MDFIC2: variants seen among roughly 807,000 people sequenced by gnomAD.
MDFIC2 encodes MyoD family inhibitor domain containing 2.
chr3:70,250,282 ACT>A (rs369101712), intron 2 of MDFIC2, among the ~76,000 whole-genome samples: 2 of 151,780 alleles, frequency 1.3e-5, no homozygotes, highest in South Asian at 2.1e-4. Flanking sequence ...GATTAATTCT[ACT>A]CTCTTAGGAT....
intron 2 of MDFIC2, among the ~76,000 whole-genome samples, chr3:70,253,072 C>T (rs1274606430): frequency 2.0e-5 from 3 of 151,040 alleles, no homozygotes; most frequent in African/African-American, 4.9e-5. Flanking sequence ...AAGAGTGAGA[C>T]TTTGCTCAAA....
At chr3:70,278,182 G>A (rs1449916547) in intron 2 of MDFIC2, among the ~76,000 whole-genome samples, 1 of 152,060 alleles carries the variant, frequency 6.6e-6, no homozygotes, top group African/African-American at 2.4e-5. Flanking sequence ...GGCTCATAGT[G>A]TATATTCTTT....
chr3:70,195,212 C>A lies in MDFIC2; in HGVS notation c.*1714G>T, dbSNP rs539436985. 3.4e-4 allele frequency among the ~76,000 whole-genome samples: 52 copies of A among 152,080 alleles called. No individual in the cohort carries two copies. The highest frequency in any genetic ancestry group is 5.6e-4 in the Non-Finnish European group (38 of 68,016). The stretch of plus-strand genomic sequence containing the variant: ...TATGTTCCCTTCCTGTTCTAGGAAT[C>A]TATTTTTTTTTCTTCTAATGATCTA... On this transcript the variant is annotated 3_prime_UTR_variant, in exon 4 of 4. Coordinates refer to ENST00000567252, the MANE Select transcript of MDFIC2 (RefSeq NM_001364677.1).
At chr3:70,230,706 T>A (rs1190096855) in intron 2 of MDFIC2, among the ~76,000 whole-genome samples, 1 of 152,226 alleles carries the variant, frequency 6.6e-6, no homozygotes, top group Non-Finnish European at 1.5e-5. Flanking sequence ...TGGATTCCTC[T>A]GTAAGTGGTG....
At chr3:70,293,071 A>T (rs898829117) in intron 2 of MDFIC2, among the ~76,000 whole-genome samples, 1 of 145,974 alleles carries the variant, frequency 6.9e-6, no homozygotes, top group Middle Eastern at 3.3e-3. Flanking sequence ...AAAAAAAAAA[A>T]GTAGCATATT....
At chr3:70,249,295 C>T (rs562058416) in intron 2 of MDFIC2, 1 of 152,196 alleles carries the variant, frequency 6.6e-6, no homozygotes, top group South Asian at 2.1e-4. Context: ...TATGTAGTGC[C>T]TTCTTTCTGA....
intron 2 of MDFIC2, among the ~76,000 whole-genome samples, chr3:70,282,186 C>A (rs181666171): frequency 1.3e-5 from 2 of 152,136 alleles, no homozygotes; most frequent in African/African-American, 4.8e-5. Flanking sequence ...ATGCAGTAAT[C>A]AAAAAACCCT....
chr3:70,244,449 C>A (rs185984468), intron 2 of MDFIC2, among the ~76,000 whole-genome samples: 1 of 152,054 alleles, frequency 6.6e-6, no homozygotes, highest in Non-Finnish European at 1.5e-5. Context: ...TGTAAAGGAA[C>A]GGAGTAATCA....
intron 2 of MDFIC2, chr3:70,283,719 T>A (rs913205184): frequency 2.0e-5 from 3 of 151,412 alleles, no homozygotes; most frequent in Non-Finnish European, 4.4e-5. Context: ...CAAGTTAGAA[T>A]CTTGATTTCA....
At chr3:70,297,401 C>T (rs540903386) in intron 2 of MDFIC2, among the ~76,000 whole-genome samples, 2 of 152,068 alleles carry the variant, frequency 1.3e-5, no homozygotes, top group Admixed American at 1.3e-4. Context: ...GATATTTGAG[C>T]CACTCAAAGG....
In MDFIC2 at chr3:70,233,979, T is replaced by C. The variant is rs146707482; in HGVS notation, c.89-27189A>G. Among the ~76,000 whole-genome samples, 4 of 152,346 alleles carry C rather than the reference T, an allele frequency of 2.6e-5. No individual in the cohort carries two copies. In the East Asian group the frequency reaches 5.8e-4, roughly 22 times the overall value. ...GTGCAAGTTTTTGTGTGGATATTTC[T>C]CTTGGCTAAAACTCTAGGAGTAAAA... On this transcript the variant is annotated intron_variant, in intron 2 of 3. Coordinates refer to ENST00000567252, the MANE Select transcript of MDFIC2 (RefSeq NM_001364677.1).
At chr3:70,238,385 G>T (rs1471923070) in intron 2 of MDFIC2, among the ~76,000 whole-genome samples, 2 of 152,126 alleles carry the variant, frequency 1.3e-5, no homozygotes, top group African/African-American at 4.8e-5. Context: ...GAGGCAAGAG[G>T]ATCATTTGAG....
At chr3:70,222,877 G>T (rs959712790) in intron 2 of MDFIC2, among the ~76,000 whole-genome samples, 2 of 152,258 alleles carry the variant, frequency 1.3e-5, no homozygotes. Flanking sequence ...CTATTGTCAA[G>T]GTCAATCTGA....
chr3:70,306,098 A>G (rs1486160799), intron 2 of MDFIC2, among the ~76,000 whole-genome samples: 1 of 152,086 alleles, frequency 6.6e-6, no homozygotes, highest in Non-Finnish European at 1.5e-5. Flanking sequence ...TAAATAATGG[A>G]GTTTATTTAT....
At chr3:70,201,639 A>G (rs1230099660) in intron 3 of MDFIC2, among the ~76,000 whole-genome samples, 1 of 152,136 alleles carries the variant, frequency 6.6e-6, no homozygotes, top group African/African-American at 2.4e-5. Flanking sequence ...GCAGCACTGT[A>G]ATTTGAACCA....
In MDFIC2 at chr3:70,290,124, A is replaced by T. The variant is rs1392894009; in HGVS notation, c.88+21762T>A. On this transcript the variant is annotated intron_variant, in intron 2 of 3. Transcript: ENST00000567252. ...GTGAGGAGCTGCGTTCCTTTGTAGG[A>T]GGAGAGGCGCTCTGCTTTTTAGAGT... 2.6e-5 allele frequency among the ~76,000 whole-genome samples: 4 copies of T among 152,094 alleles called. No individual in the cohort carries two copies. In the East Asian group the frequency reaches 5.8e-4, roughly 22 times the overall value.
At chr3:70,280,442 C>T (rs1043896756) in intron 2 of MDFIC2, among the ~76,000 whole-genome samples, 2 of 152,154 alleles carry the variant, frequency 1.3e-5, no homozygotes, top group Non-Finnish European at 2.9e-5. Context: ...CCTTACCACC[C>T]TAGGCATGTA....
chr3:70,287,819 C>T (rs1283124098), intron 2 of MDFIC2, among the ~76,000 whole-genome samples: 3 of 151,092 alleles, frequency 2.0e-5, no homozygotes, highest in African/African-American at 7.3e-5. Context: ...TTATCCATTT[C>T]TTCTAGATTT....
At chr3:70,227,458 T>C (rs1314883406) in intron 2 of MDFIC2, among the ~76,000 whole-genome samples, 1 of 152,198 alleles carries the variant, frequency 6.6e-6, no homozygotes, top group African/African-American at 2.4e-5. Flanking sequence ...AACAGACCAC[T>C]GACTTTGGCA....
Sources: allele counts gnomAD v4.1 joint callset (sites outside exome capture counted in the v4.1 genomes callset), GRCh38; gene constraint gnomAD v4.1.1; transcripts MANE v1.5; gene names NCBI Gene and HGNC (gene_info 2026-07-23, HGNC 2026-07-21).